Variants in RBFOX1 observed in about 807,000 individuals in gnomAD.
RBFOX1 encodes RNA binding protein fox-1 homolog 1.
In RBFOX1, 8 loss-of-function variants were observed where a neutral mutation model predicts 57.7. The observed-to-expected ratio is 0.14, with a 90% CI of 0.08 to 0.25. The LOEUF is 0.25. RBFOX1 is among the 10% of genes least tolerant of loss of function. RBFOX1 has a pLI of 1.00. For missense variants in RBFOX1, 611 were observed against 548.5 expected (o/e 1.11, Z -1.14); for synonymous variants, 326 against 222.4 (o/e 1.47, Z -4.15).
chr16:6,483,420 G>A (rs1036312019), intron 2 of RBFOX1: 248 of 1,535,258 alleles, frequency 1.6e-4, no homozygotes, highest in Non-Finnish European at 3.1e-5. Context: ...CTAGCACGTG[G>A]GTGCCGTTTG....
chr16:7,705,258 G>A (rs2082064153), intron 14 of RBFOX1, among the ~76,000 whole-genome samples: 1 of 152,140 alleles, frequency 6.6e-6, no homozygotes. Flanking sequence ...TGTAATCCCA[G>A]CACTTTGGGA....
intron 3 of RBFOX1, among the ~76,000 whole-genome samples, chr16:6,761,843 G>C (rs1223064549): frequency 6.6e-6 from 1 of 151,880 alleles, no homozygotes; most frequent in Non-Finnish European, 1.5e-5. Context: ...CCAGACTCCA[G>C]TCACTCAAAG....
At chr16:6,929,212 T>G (rs1484634179) in intron 3 of RBFOX1, among the ~76,000 whole-genome samples, 1 of 152,152 alleles carries the variant, frequency 6.6e-6, no homozygotes, top group East Asian at 1.9e-4. Context: ...AGTGTGTTCT[T>G]AACTGCTTGG....
At chr16:7,215,003 A>C (rs955390798) in intron 4 of RBFOX1, among the ~76,000 whole-genome samples, 58 of 152,264 alleles carry the variant, frequency 3.8e-4, no homozygotes, top group African/African-American at 1.4e-3. Flanking sequence ...CCCATCATCT[A>C]GGTTTTAAGC....
chr16:5,294,609 A>C (rs2333963), intron 1 of RBFOX1, among the ~76,000 whole-genome samples: 109,489 of 152,032 alleles, frequency 0.72, 44,232 homozygotes, highest in Non-Finnish European at 0.89. Flanking sequence ...AGGACTGTAC[A>C]TATTGAAACA....
intron 3 of RBFOX1, among the ~76,000 whole-genome samples, chr16:7,031,388 G>C (rs912807348): frequency 6.6e-6 from 1 of 152,046 alleles, no homozygotes; most frequent in Non-Finnish European, 1.5e-5. Context: ...TTGAGGTCAG[G>C]ATTTCAAGAC....
chr16:6,941,179 A>T (rs146640060), intron 3 of RBFOX1, among the ~76,000 whole-genome samples: 1,536 of 151,842 alleles, frequency 0.01, 25 homozygotes, highest in African/African-American at 0.035. Flanking sequence ...GCAGACTCTC[A>T]TTCCATGCAT....
At chr16:6,883,083 T>A (rs1452002129) in intron 3 of RBFOX1, among the ~76,000 whole-genome samples, 2 of 152,206 alleles carry the variant, frequency 1.3e-5, no homozygotes, top group Non-Finnish European at 2.9e-5. Context: ...CAAACCATTA[T>A]TAATGATGTA....
chr16:7,268,674 A>G (rs1401471791), intron 4 of RBFOX1, among the ~76,000 whole-genome samples: 2 of 152,088 alleles, frequency 1.3e-5, no homozygotes, highest in African/African-American at 4.8e-5. Context: ...AATCCTGCCC[A>G]TGTTTTATTT....
intron 1 of RBFOX1, among the ~76,000 whole-genome samples, chr16:6,192,547 C>T (rs1017634642): frequency 6.6e-6 from 1 of 152,054 alleles, no homozygotes; most frequent in African/African-American, 2.4e-5. Flanking sequence ...TAACTGACAG[C>T]TTTAATAAGG....
intron 2 of RBFOX1, among the ~76,000 whole-genome samples, chr16:5,513,053 A>G (rs1436903554): frequency 6.6e-6 from 1 of 152,154 alleles, no homozygotes; most frequent in Non-Finnish European, 1.5e-5. Context: ...ATAGCCAGGA[A>G]GGCAGGCGTG....
chr16:7,162,812 T>C (rs2078647045), intron 4 of RBFOX1, among the ~76,000 whole-genome samples: 1 of 152,162 alleles, frequency 6.6e-6, no homozygotes, highest in Non-Finnish European at 1.5e-5. Context: ...CTCTTTCTCC[T>C]TCTTCCTCAT....
At chr16:7,320,786 A>G (rs893982440) in intron 4 of RBFOX1, among the ~76,000 whole-genome samples, 17 of 152,252 alleles carry the variant, frequency 1.1e-4, no homozygotes, top group African/African-American at 4.1e-4. Context: ...CCCAAAGAAT[A>G]TTTTAAGTAT....
At chr16:6,999,227 T>TA (rs1568300534) in intron 3 of RBFOX1, among the ~76,000 whole-genome samples, 59 of 138,100 alleles carry the variant, frequency 4.3e-4, no homozygotes, top group Non-Finnish European at 6.4e-4. Flanking sequence ...TTTTTTTTAT[T>TA]TATTTTTTTT....
chr16:6,178,442 C>G (rs2097032471), intron 1 of RBFOX1, among the ~76,000 whole-genome samples: 1 of 152,008 alleles, frequency 6.6e-6, no homozygotes, highest in African/African-American at 2.4e-5. Flanking sequence ...CTCAGCCTCC[C>G]AAAGTGCTGG....
intron 15 of RBFOX1, 60 bp from the exon 16 acceptor site, chr16:7,710,563 G>A: frequency 3.7e-6 from 6 of 1,603,888 alleles, no homozygotes; most frequent in South Asian, 1.1e-5. Flanking sequence ...TCTTTTTGAT[G>A]ATCCACATGT....
chr16:7,687,377 G>A (rs1228307062), intron 14 of RBFOX1, among the ~76,000 whole-genome samples: 2 of 151,954 alleles, frequency 1.3e-5, no homozygotes, highest in Non-Finnish European at 2.9e-5. Flanking sequence ...TTCCAGACAG[G>A]CAAGTCCAAG....
chr16:5,440,720 C>G (rs1327953643), intron 1 of RBFOX1, among the ~76,000 whole-genome samples: 1 of 152,106 alleles, frequency 6.6e-6, no homozygotes, highest in East Asian at 1.9e-4. Context: ...ATATATTTTA[C>G]AAGATTTAGC....
At chr16:5,878,454 G>A (rs2057674089) in intron 4 of RBFOX1, among the ~76,000 whole-genome samples, 1 of 152,154 alleles carries the variant, frequency 6.6e-6, no homozygotes, top group Admixed American at 6.6e-5. Context: ...ATGGCTAGTA[G>A]GCAAAGTTGG....
Sources: gnomAD v4.1 joint callset for allele counts (sites outside exome capture counted in the v4.1 genomes callset) on GRCh38, gnomAD v4.1.1 for gene constraint, MANE v1.5 for transcripts, NCBI Gene and HGNC (gene_info 2026-07-23, HGNC 2026-07-21) for gene names.